Variants in ENTPD1 observed in about 807,000 individuals in gnomAD.
ENTPD1 encodes the protein ectonucleoside triphosphate diphosphohydrolase 1, also known as ATP diphosphohydrolase.
ENTPD1 carries 33 observed loss-of-function variants against 57.0 expected under a neutral mutation model. That is an observed-to-expected ratio of 0.58 (90% CI 0.44 to 0.77). ENTPD1 has a LOEUF of 0.77. Among genes scored for constraint, ENTPD1 ranks in the 30% least tolerant of loss-of-function variants. The probability of loss-of-function intolerance (pLI) is 0.00; values close to 1 mark genes in which losing one functional copy is unlikely to be tolerated. For missense variants in ENTPD1, 501 were observed against 603.4 expected, an observed-to-expected ratio of 0.83 and a Z score of 1.78; for synonymous variants, 202 against 218.8, an observed-to-expected ratio of 0.92 and a Z score of 0.68.
In ENTPD1 at chr10:95,749,850, T is replaced by C. The variant is rs372043068; in HGVS notation, c.37+37857T>C. Among the ~76,000 whole-genome samples, 622 of 152,316 alleles carry C rather than the reference T, an allele frequency of 4.1e-3. 2 individuals carry two copies. Among genetic ancestry groups the C allele is most frequent in the Middle Eastern group, 0.02 (6 of 294 alleles). ...TTGAGCAAAAGAGTTCCATAATCTT[T>C]TGTTTTGTTTAATTTTTAACTGAAT... On this transcript the variant is annotated intron_variant, in intron 1 of 9. Coordinates refer to the ENTPD1 transcript ENST00000453258.
intron 2 of ENTPD1, among the ~76,000 whole-genome samples, chr10:95,828,835 T>C (rs1185863968): frequency 3.3e-5 from 5 of 151,880 alleles, no homozygotes; most frequent in Non-Finnish European, 7.4e-5. Flanking sequence ...CTCAGCCTGC[T>C]GAGTAGCTAG....
At position 95,874,645 on chromosome 10, in the gene ENTPD1, C is replaced by G. The variant is rs762038319; in HGVS notation, c.*8262C>G. Among the ~76,000 whole-genome samples, 13 of 152,230 alleles carry G rather than the reference C, an allele frequency of 8.5e-5. No homozygotes were observed. The highest frequency in any genetic ancestry group is 2.0e-4 in the Admixed American group (3 of 15,290). On this transcript the variant is annotated 3_prime_UTR_variant, in exon 10 of 10. Coordinates refer to ENST00000371205, the MANE Select transcript of ENTPD1 (RefSeq NM_001776.6). ...ACTAGGCAGTGCCCCAACAGGGACT[C>G]TGTGTGGGGGCTCTGCCCCACATTT...
At chr10:95,756,340 T>G in intron 1 of ENTPD1, 85 bp downstream of exon 1, 2 of 1,439,902 alleles carry the variant, frequency 1.4e-6, no homozygotes, top group Non-Finnish European at 1.9e-6. Context: ...AAGCAAGTAC[T>G]TGAAAGCTGG....
At chr10:95,746,854 A>C (rs1301982866) in intron 1 of ENTPD1, among the ~76,000 whole-genome samples, 1 of 152,242 alleles carries the variant, frequency 6.6e-6, no homozygotes, top group African/African-American at 2.4e-5. Flanking sequence ...TCCTCTTTTG[A>C]TAAAACACGT....
intron 8 of ENTPD1, 62 bp downstream of exon 8, chr10:95,860,644 G>C: frequency 7.1e-7 from 1 of 1,410,098 alleles, no homozygotes; most frequent in Non-Finnish European, 1.0e-6. Flanking sequence ...CTGATGCAGA[G>C]GATGTGAGTC....
At chr10:95,755,706 A>G, upstream of ENTPD1, 1 of 1,537,244 alleles carries the variant, frequency 6.5e-7, no homozygotes, top group Non-Finnish European at 8.7e-7. Flanking sequence ...TCATGGGACC[A>G]GAGGCTTTAT....
At chr10:95,792,885 T>C (rs1380074030) in intron 1 of ENTPD1, among the ~76,000 whole-genome samples, 1 of 152,178 alleles carries the variant, frequency 6.6e-6, no homozygotes, top group African/African-American at 2.4e-5. Context: ...TTCATGGCTT[T>C]GGTGTGCGTA....
intron 1 of ENTPD1, among the ~76,000 whole-genome samples, chr10:95,768,394 A>G (rs1367681195): frequency 2.0e-5 from 3 of 151,922 alleles, no homozygotes; most frequent in African/African-American, 7.3e-5. Context: ...TCAGGGACCT[A>G]TTTGGATCTC....
intron 7 of ENTPD1, among the ~76,000 whole-genome samples, chr10:95,847,954 T>G (rs1403116250): frequency 2.0e-5 from 3 of 152,202 alleles, no homozygotes; most frequent in Non-Finnish European, 4.4e-5. Context: ...ACTGCCTCCT[T>G]TTTGGCTCTA....
the ENTPD1 span, among the ~76,000 whole-genome samples, chr10:95,697,784 C>G: frequency 6.6e-6 from 1 of 152,184 alleles, no homozygotes; most frequent in Admixed American, 6.5e-5. Flanking sequence ...AATTCCTTTT[C>G]TTTATAACTT....
chr10:95,802,411 A>G (rs1200574768), intron 1 of ENTPD1, among the ~76,000 whole-genome samples: 2 of 151,938 alleles, frequency 1.3e-5, no homozygotes, highest in South Asian at 2.1e-4. Context: ...GGTAATTAGC[A>G]TATCCATGAA....
chr10:95,717,437 G>T (rs1222417109), intron 1 of ENTPD1, among the ~76,000 whole-genome samples: 4 of 150,550 alleles, frequency 2.7e-5, no homozygotes, highest in African/African-American at 9.8e-5. Context: ...GCCGCTCCCT[G>T]CTCAAATGCC....
Position 95,781,260 on chromosome 10 carries a change from A to G in ENTPD1, c.16+25005A>G, listed in dbSNP as rs190347401. ...ATGGTTACTAGAGGCTGGGAAGGGT[A>G]GTGGGGGCTGGGTAGAATGGAAAAA... On this transcript the variant is annotated intron_variant, in intron 1 of 9. Transcript: ENST00000371205. Among the ~76,000 whole-genome samples, 30 of 152,200 alleles carry G rather than the reference A, an allele frequency of 2.0e-4. 1 individual carries two copies. The East Asian group carries it at 3.7e-3, about 19-fold the overall frequency.
intron 8 of ENTPD1, 123 bp downstream of exon 8, chr10:95,860,705 A>G (rs1165711317): frequency 1.3e-6 from 1 of 784,986 alleles, no homozygotes; most frequent in East Asian, 2.8e-5. Flanking sequence ...TGTGTTAGAG[A>G]AGACCAGATG....
At chr10:95,785,224 T>C (rs1480449189) in intron 1 of ENTPD1, 4 of 152,198 alleles carry the variant, frequency 2.6e-5, no homozygotes, top group Admixed American at 2.6e-4. Flanking sequence ...CATCTCTTGT[T>C]CCAGGCCAAC....
Position 95,845,674 on chromosome 10 carries a change from A to G in ENTPD1, c.813+78A>G, listed in dbSNP as rs764727759. 92 of 1,613,020 alleles carry G rather than the reference A, an allele frequency of 5.7e-5. 1 individual carries two copies. The South Asian group carries it at 8.8e-4, about 15-fold the overall frequency. ...CCACATCCTGTTGTTTTCTGTTTCA[A>G]ATTCAGTAGTTTGTCTGAACTTGGT... On this transcript the variant is annotated intron_variant, in intron 6 of 9. Transcript: ENST00000371205.
chr10:95,803,758 T>G (rs1322934624), intron 1 of ENTPD1, among the ~76,000 whole-genome samples: 2 of 152,256 alleles, frequency 1.3e-5, no homozygotes, highest in Non-Finnish European at 2.9e-5. Flanking sequence ...TTTGGTGTTT[T>G]AGTCATGAAG....
intron 1 of ENTPD1, among the ~76,000 whole-genome samples, chr10:95,734,738 G>A (rs913322591): frequency 6.6e-6 from 1 of 152,190 alleles, no homozygotes; most frequent in Non-Finnish European, 1.5e-5. Flanking sequence ...ATGTCACACT[G>A]ATTTTTATGT....
chr10:95,705,783 C>T, the ENTPD1 span, among the ~76,000 whole-genome samples: 4 of 152,332 alleles, frequency 2.6e-5, no homozygotes, highest in East Asian at 1.9e-4. Context: ...TAAGCCACTG[C>T]GCCAGGCCAA....
Sources: allele counts gnomAD v4.1 joint callset (sites outside exome capture counted in the v4.1 genomes callset), GRCh38; gene constraint gnomAD v4.1.1; transcripts MANE v1.5; gene names NCBI Gene and HGNC (gene_info 2026-07-23, HGNC 2026-07-21).